WWOX: variants seen among roughly 807,000 people sequenced by gnomAD.
The protein encoded by WWOX is WW domain containing oxidoreductase, also known as WW domain-containing oxidoreductase.
Under a neutral mutation model 46.2 loss-of-function variants are expected in WWOX, and 69 were observed. The ratio of observed to expected loss-of-function variants is 1.49; its 90% CI spans 1.23 to 1.82. WWOX has a LOEUF of 1.82. Ranked by LOEUF, WWOX falls within the 40% of genes most tolerant of loss-of-function variation. The probability of loss-of-function intolerance (pLI) is 0.00; values close to 1 mark genes in which losing one functional copy is unlikely to be tolerated. For missense variants in WWOX, 919 were observed against 542.6 expected (o/e 1.69, Z -6.89); for synonymous variants, 359 against 202.6 (o/e 1.77, Z -6.56).
At chr16:78,750,038 G>C (rs1261892381) in intron 8 of WWOX, among the ~76,000 whole-genome samples, 1 of 152,072 alleles carries the variant, frequency 6.6e-6, no homozygotes, top group African/African-American at 2.4e-5. Flanking sequence ...ACTCTATCAG[G>C]GAAAAATAGG....
intron 5 of WWOX, among the ~76,000 whole-genome samples, chr16:78,179,405 A>C (rs1199638534): frequency 2.0e-5 from 3 of 152,212 alleles, no homozygotes; most frequent in Non-Finnish European, 4.4e-5. Context: ...AGATCATCCA[A>C]CTTAACTTTC....
intron 8 of WWOX, among the ~76,000 whole-genome samples, chr16:78,959,197 T>A (rs1422210965): frequency 1.3e-5 from 2 of 152,244 alleles, no homozygotes; most frequent in African/African-American, 2.4e-5. Context: ...GTCAAGGTTC[T>A]CGTTCTTCTC....
At chr16:78,815,381 G>A (rs1011068177) in intron 8 of WWOX, among the ~76,000 whole-genome samples, 1 of 151,968 alleles carries the variant, frequency 6.6e-6, no homozygotes. Context: ...GGCAGGAGCT[G>A]TTCCTGCTGT....
chr16:78,858,990 G>C (rs1172552805), intron 8 of WWOX, among the ~76,000 whole-genome samples: 1 of 87,156 alleles, frequency 1.1e-5, no homozygotes, highest in South Asian at 4.9e-4. Context: ...ATATCTACTA[G>C]TTTTGAAATT....
chr16:79,104,158 CA>C (rs1246590079), intron 8 of WWOX, among the ~76,000 whole-genome samples: 2 of 151,326 alleles, frequency 1.3e-5, no homozygotes, highest in Admixed American at 6.6e-5. Flanking sequence ...CACAACCCCA[CA>C]AATAGGTGAA....
chr16:79,081,669 A>C (rs956308345), intron 8 of WWOX, among the ~76,000 whole-genome samples: 2 of 152,090 alleles, frequency 1.3e-5, no homozygotes, highest in Non-Finnish European at 2.9e-5. Context: ...GTATCAATGG[A>C]TTGAAATTCT....
At chr16:78,744,935 A>G (rs949377196) in intron 8 of WWOX, among the ~76,000 whole-genome samples, 2 of 152,148 alleles carry the variant, frequency 1.3e-5, no homozygotes, top group Non-Finnish European at 2.9e-5. Context: ...GTCAGGTCTT[A>G]ATTTCCCTAC....
At chr16:78,834,524 G>T (rs2051921809) in intron 8 of WWOX, among the ~76,000 whole-genome samples, 2 of 152,248 alleles carry the variant, frequency 1.3e-5, no homozygotes, top group South Asian at 4.2e-4. Context: ...CAGGAGGTCT[G>T]TAAACAAGGT....
intron 5 of WWOX, among the ~76,000 whole-genome samples, chr16:78,368,005 C>T (rs1440249914): frequency 1.3e-5 from 2 of 152,270 alleles, no homozygotes; most frequent in Middle Eastern, 6.8e-3. Context: ...GATCTGCCTG[C>T]CTCAGCCTCC....
intron 8 of WWOX, among the ~76,000 whole-genome samples, chr16:78,496,837 A>G (rs2738727): frequency 0.74 from 112,279 of 151,582 alleles, 43,974 homozygotes; most frequent in Admixed American, 0.86. Flanking sequence ...AACTTTCCGG[A>G]AACCCCTTTT....
chr16:78,162,608 C>T (rs758631929), intron 4 of WWOX, among the ~76,000 whole-genome samples: 1 of 151,992 alleles, frequency 6.6e-6, no homozygotes, highest in African/African-American at 2.4e-5. Context: ...CTGCTTATGG[C>T]TCAGGATACT....
intron 5 of WWOX, among the ~76,000 whole-genome samples, chr16:78,190,335 C>G (rs2151762919): frequency 6.6e-6 from 1 of 152,244 alleles, no homozygotes; most frequent in East Asian, 1.9e-4. Flanking sequence ...AGAGAGAGAG[C>G]AAAACAGTTC....
At position 78,748,316 on chromosome 16, in the gene WWOX, A is replaced by T. The variant is rs149860975; in HGVS notation, c.1056+315564A>T. ...ACTATAAAATAGCTCAAAAGACTCT[A>T]TGCAAATAATTACTGTTACCCAGTG... On this transcript the variant is annotated intron_variant, in intron 8 of 8. Coordinates refer to ENST00000566780, the MANE Select transcript of WWOX (RefSeq NM_016373.4). 2.1e-3 allele frequency among the ~76,000 whole-genome samples: 325 copies of T among 152,328 alleles called. 1 individual carries two copies. The highest frequency in any genetic ancestry group is 7.1e-3 in the African/African-American group (296 of 41,580).
At chr16:79,036,464 TGA>T (rs2047868700) in intron 8 of WWOX, among the ~76,000 whole-genome samples, 1 of 152,260 alleles carries the variant, frequency 6.6e-6, no homozygotes, top group Non-Finnish European at 1.5e-5. Flanking sequence ...TCATGACATG[TGA>T]GGCCTTTGAC....
intron 8 of WWOX, among the ~76,000 whole-genome samples, chr16:78,901,930 G>A (rs2044841220): frequency 6.6e-6 from 1 of 152,238 alleles, no homozygotes; most frequent in Non-Finnish European, 1.5e-5. Context: ...GCACCTCACT[G>A]TTGGGCTGAT....
chr16:78,523,234 C>G (rs2043387528), intron 8 of WWOX, among the ~76,000 whole-genome samples: 1 of 152,114 alleles, frequency 6.6e-6, no homozygotes, highest in Admixed American at 6.5e-5. Flanking sequence ...GTATCTAAAC[C>G]AAAGGACCTA....
intron 8 of WWOX, among the ~76,000 whole-genome samples, chr16:78,843,226 A>G (rs1473027561): frequency 1.3e-5 from 2 of 150,084 alleles, no homozygotes; most frequent in African/African-American, 4.8e-5. Flanking sequence ...AGAACGTTGA[A>G]AGCTTCCAAT....
At chr16:78,254,572 C>A (rs1253889035) in intron 5 of WWOX, among the ~76,000 whole-genome samples, 1 of 130,014 alleles carries the variant, frequency 7.7e-6, no homozygotes, top group African/African-American at 3.1e-5. Context: ...ATGGAGCAAT[C>A]TCAGCTCACT....
At chr16:79,019,471 C>T (rs1177470336) in intron 8 of WWOX, among the ~76,000 whole-genome samples, 1 of 152,098 alleles carries the variant, frequency 6.6e-6, no homozygotes. Flanking sequence ...AGAAATAGTA[C>T]AGTAAAAATA....
Sources: allele counts gnomAD v4.1 joint callset (sites outside exome capture counted in the v4.1 genomes callset), GRCh38; gene constraint gnomAD v4.1.1; transcripts MANE v1.5; gene names NCBI Gene and HGNC (gene_info 2026-07-23, HGNC 2026-07-21).